Variants in MYO7B observed in about 807,000 individuals in gnomAD.
The protein encoded by MYO7B is unconventional myosin-VIIb.
A neutral mutation model predicts 259.7 loss-of-function variants in MYO7B; 212 were observed. The observed-to-expected ratio is 0.82, with a 90% CI of 0.73 to 0.91. MYO7B has a LOEUF of 0.91. Ranked by LOEUF, MYO7B falls within the 40% of genes least tolerant of loss-of-function variation. The pLI is 0.00. For synonymous variants in MYO7B, 1,197 were observed against 1,166.4 expected (o/e 1.03, Z -0.54); for missense variants, 2,732 against 2,813.5 (o/e 0.97, Z 0.66).
chr2:127,631,221 C>T lies in MYO7B; in HGVS notation c.4953C>T (p.Asp1651=). 2 of 1,604,766 alleles carry T rather than the reference C, an allele frequency of 1.2e-6. No individual in the cohort carries two copies. The highest frequency in any genetic ancestry group is 2.2e-5 in the East Asian group (1 of 44,628). Residue 1651 remains aspartate (D), a synonymous_variant, in exon 37 of 48, where the codon GAC becomes GAT. Coordinates refer to ENST00000409816, the MANE Select transcript of MYO7B (RefSeq NM_001393586.1). ...AACCTCACAGGGCTCCAGAGAAGGACATGGTGAGCATGGCCGTGCTGCCCC... is the reference window on the plus strand; with the variant it reads ...AACCTCACAGGGCTCCAGAGAAGGATATGGTGAGCATGGCCGTGCTGCCCC... ...SYEFFRAPEK[D]MVSMAVLPLA... is the part of the protein sequence containing the mutation.
chr2:127,582,206 C>A, intron 11 of MYO7B, 98 bp from the exon 12 acceptor site: 1 of 1,501,998 alleles, frequency 6.7e-7, no homozygotes. Context: ...ATAACATCCA[C>A]AGTAGGTCCA....
At chr2:127,635,046 TG>T in intron 42 of MYO7B, 73 bp from the exon 43 acceptor site, 5 of 1,204,322 alleles carry the variant, frequency 4.2e-6, no homozygotes, top group Non-Finnish European at 2.4e-6. Flanking sequence ...AGGCGCAGTG[TG>T]GGGGGTGGCA....
chr2:127,631,826 C>T, intron 38 of MYO7B, 73 bp downstream of exon 38: 1 of 1,548,960 alleles, frequency 6.5e-7, no homozygotes, highest in Non-Finnish European at 8.7e-7. Context: ...CAGACCGAGG[C>T]TCAGAGAGGA....
chr2:127,574,296 G>C (rs1297757574), intron 7 of MYO7B, among the ~76,000 whole-genome samples: 1 of 152,202 alleles, frequency 6.6e-6, no homozygotes, highest in Non-Finnish European at 1.5e-5. Flanking sequence ...GCACTTATGG[G>C]AGGCCAAAGC....
At position 127,584,080 on chromosome 2, in the gene MYO7B, C is replaced by G; in HGVS notation, c.1344-42C>G. 1 of 1,568,384 alleles carries G rather than the reference C, an allele frequency of 6.4e-7. No individual in the cohort carries two copies. The highest frequency in any genetic ancestry group is 1.1e-5 in the South Asian group (1 of 87,084). On this transcript the variant is annotated intron_variant, in intron 12 of 47. Transcript: ENST00000409816. The surrounding 1 kb of genome is among the most constrained non-coding windows in gnomAD (Gnocchi z 5.8). ...CCAGCCTGCTGCAGCGGGGACTCAG[C>G]TGGCCCCACTCCACCCCTGGGCAGT...
intron 6 of MYO7B, 44 bp downstream of exon 6, chr2:127,569,954 G>A (rs372511812): frequency 3.8e-6 from 6 of 1,582,824 alleles, no homozygotes; most frequent in African/African-American, 1.4e-5. Context: ...CAGCCCCCCT[G>A]GAGCCTTCCT....
chr2:127,630,907 A>G lies in MYO7B; in HGVS notation c.4936A>G (p.Arg1646Gly), dbSNP rs1681453306. The G allele has an allele frequency of 6.4e-7, 1 of 1,572,128 alleles. No homozygotes were observed. The highest frequency in any genetic ancestry group is 1.4e-5 in the African/African-American group (1 of 73,864). The change falls in exon 36 of 48, where the codon AGG becomes GGG. Residue 1646 changes from arginine (R) to glycine (G), a missense_variant and splice_region_variant. Around this residue, in one of 3 missense-constraint regions of MYO7B, gnomAD observed 821 missense variants for 769.3 expected, o/e 1.07. Coordinates refer to ENST00000409816, the MANE Select transcript of MYO7B (RefSeq NM_001393586.1). ...TLEEFSYEFFRAPEKDMVSMA... is the reference protein window; with the variant it reads ...TLEEFSYEFFGAPEKDMVSMA... ...GGAGGAGTTCTCCTATGAGTTCTTC[A>G]GGTGCCCCCCAGCCCCGCTCCGCCT...
intron 14 of MYO7B, 107 bp from the exon 15 acceptor site, chr2:127,588,285 G>A (rs1010296788): frequency 7.7e-7 from 1 of 1,305,540 alleles, no homozygotes; most frequent in Non-Finnish European, 1.0e-6. Context: ...CATTGTAGGA[G>A]GGGGCTCCTC....
chr2:127,563,505 C>T (rs1678190999), intron 2 of MYO7B, among the ~76,000 whole-genome samples: 1 of 151,878 alleles, frequency 6.6e-6, no homozygotes, highest in Non-Finnish European at 1.5e-5. Context: ...AGACTGCTTC[C>T]TGCAAATATG....
At chr2:127,629,905 G>C in intron 35 of MYO7B, 79 bp downstream of exon 35, 1 of 1,405,304 alleles carries the variant, frequency 7.1e-7, no homozygotes, top group Admixed American at 2.9e-5. Context: ...TAGTTGGGAG[G>C]CCTAGCTCAG....
rs35175320 is a variant in MYO7B at position 127,566,457 on chromosome 2, C to T, written c.286-186C>T. Among the ~76,000 whole-genome samples, 563 of 152,352 alleles carry T rather than the reference C, an allele frequency of 3.7e-3. 3 individuals are homozygous for T. Among genetic ancestry groups the T allele is most frequent in the South Asian group, 0.024 (116 of 4,828 alleles). ...ACCTTCCTGGTGGATATCCCATCTT[C>T]CCAGAGGAGAGATCTGCGCAGCTGA... On this transcript the variant is annotated intron_variant, in intron 4 of 47. Transcript: ENST00000409816.
chr2:127,573,780 C>T (rs555543853), intron 6 of MYO7B, 140 bp from the exon 7 acceptor site: 9 of 1,131,784 alleles, frequency 8.0e-6, no homozygotes, highest in South Asian at 1.7e-5. Context: ...GCTTGGCTTC[C>T]GTCACTGTCT....
In MYO7B at chr2:127,559,894, T is replaced by C. The variant is rs1206442828; in HGVS notation, c.18+154T>C. Among the ~76,000 whole-genome samples, 2 of 152,210 alleles carry C rather than the reference T, an allele frequency of 1.3e-5. No homozygotes were observed. The highest frequency in any genetic ancestry group is 3.8e-4 in the East Asian group (2 of 5,204). Reference sequence around the variant, plus strand: ...AGGAAACACGACAGATTCTAGCATCTAAAGAAAACAAGTTTGGCCAGCCAC... The same window carrying C: ...AGGAAACACGACAGATTCTAGCATCCAAAGAAAACAAGTTTGGCCAGCCAC... On this transcript the variant is annotated intron_variant, in intron 2 of 47. Transcript: ENST00000409816. The surrounding 1 kb of genome is among the most constrained non-coding windows in gnomAD (Gnocchi z 4.1).
chr2:127,566,918 T>G, intron 5 of MYO7B, 91 bp downstream of exon 5: 1 of 1,362,338 alleles, frequency 7.3e-7, no homozygotes, highest in Non-Finnish European at 1.0e-6. Context: ...ATGAGAGCTC[T>G]CCCTACTCCA....
intron 1 of MYO7B, among the ~76,000 whole-genome samples, chr2:127,540,130 C>T (rs932064119): frequency 1.3e-5 from 2 of 151,536 alleles, no homozygotes; most frequent in African/African-American, 4.8e-5. Flanking sequence ...GGATTGTGCT[C>T]TTATAAACAT....
At chr2:127,633,406 A>G in intron 40 of MYO7B, 43 bp downstream of exon 40, 1 of 1,582,836 alleles carries the variant, frequency 6.3e-7, no homozygotes. Flanking sequence ...TCAGGCCTCC[A>G]GAGGCCATGG....
chr2:127,634,843 A>G, intron 42 of MYO7B, 160 bp downstream of exon 42: 1 of 716,724 alleles, frequency 1.4e-6, no homozygotes, highest in Non-Finnish European at 2.4e-6. Flanking sequence ...GGTGAGGGCC[A>G]GCTCAGGCAG....
rs1680399453 is a variant in MYO7B at position 127,611,884 on chromosome 2, G to C, written c.3193-366G>C. Among the ~76,000 whole-genome samples the C allele has an allele frequency of 1.3e-5, 2 of 152,160 alleles. No homozygotes were observed. The highest frequency in any genetic ancestry group is 4.8e-5 in the African/African-American group (2 of 41,432). On this transcript the variant is annotated intron_variant, in intron 24 of 47. Transcript: ENST00000409816. The surrounding 1 kb of genome is among the most constrained non-coding windows in gnomAD (Gnocchi z 5.4). ...CTGAGAATGACCATGGCCTGGGGCT[G>C]TCCTAAGCACCTGGGCTCAGACCCA...
chr2:127,586,455 G>A lies in MYO7B; in HGVS notation c.1690+1542G>A, dbSNP rs1679309028. On this transcript the variant is annotated intron_variant, in intron 14 of 47. Transcript: ENST00000409816. The surrounding 1 kb of genome is among the most constrained non-coding windows in gnomAD (Gnocchi z 4.8). ...TCCAGGGATGATTCTTTTGAGTAGA[G>A]GGTGATCATTTAGTCAGAACAGGCT... Among the ~76,000 whole-genome samples, 1 of 152,158 alleles carries A rather than the reference G, an allele frequency of 6.6e-6. No homozygotes were observed. The highest frequency in any genetic ancestry group is 1.5e-5 in the Non-Finnish European group (1 of 68,036).
Sources: allele counts gnomAD v4.1 joint callset (sites outside exome capture counted in the v4.1 genomes callset), GRCh38; gene constraint gnomAD v4.1.1; regional missense constraint gnomAD v4.1.1; non-coding constraint Gnocchi (gnomAD v3.1); transcripts MANE v1.5; gene names NCBI Gene and HGNC (gene_info 2026-07-23, HGNC 2026-07-21).